PTPRD: variants seen among roughly 807,000 people sequenced by gnomAD.
PTPRD encodes the protein protein tyrosine phosphatase receptor type D.
PTPRD carries 34 observed loss-of-function variants against 214.5 expected under a neutral mutation model. The ratio of observed to expected loss-of-function variants is 0.16; its 90% CI spans 0.12 to 0.21. The LOEUF (loss-of-function observed/expected upper bound fraction) is 0.21. PTPRD is among the 10% of genes least tolerant of loss of function. The pLI is 1.00. For missense variants in PTPRD, 2,545 were observed against 2,398.7 expected (o/e 1.06, Z -1.27); for synonymous variants, 1,128 against 845.7 (o/e 1.33, Z -5.79).
At chr9:9,496,129 A>G (rs565405630) in intron 8 of PTPRD, among the ~76,000 whole-genome samples, 2 of 152,170 alleles carry the variant, frequency 1.3e-5, no homozygotes, top group Admixed American at 6.6e-5. Context: ...TCCTGTCTCA[A>G]TGTGTCACAA....
At chr9:9,442,098 CG>C (rs1414278247) in intron 8 of PTPRD, 14 of 152,438 alleles carry the variant, frequency 9.2e-5, no homozygotes, top group Admixed American at 8.5e-4. Flanking sequence ...CCCAGCTACT[CG>C]GGAGGCTGAG....
intron 3 of PTPRD, among the ~76,000 whole-genome samples, chr9:10,141,360 T>G (rs1024418354): frequency 9.2e-5 from 14 of 152,122 alleles, no homozygotes; most frequent in African/African-American, 3.1e-4. Context: ...CCCCATTGTC[T>G]CAGCCCAAAA....
intron 3 of PTPRD, among the ~76,000 whole-genome samples, chr9:10,157,509 C>T (rs532053150): frequency 6.6e-6 from 1 of 152,152 alleles, no homozygotes; most frequent in African/African-American, 2.4e-5. Flanking sequence ...TGGTGTTAGT[C>T]TCACGGGCTT....
chr9:9,640,776 G>C (rs1390750207), intron 7 of PTPRD, among the ~76,000 whole-genome samples: 1 of 152,202 alleles, frequency 6.6e-6, no homozygotes, highest in East Asian at 1.9e-4. Flanking sequence ...AAAAAGAAGG[G>C]AGAAGAGAAT....
chr9:9,462,416 C>T (rs2093742689), intron 8 of PTPRD, among the ~76,000 whole-genome samples: 1 of 151,984 alleles, frequency 6.6e-6, no homozygotes, highest in South Asian at 2.1e-4. Context: ...TGCAGAAAGG[C>T]AATAAATGAT....
At chr9:10,536,838 C>A (rs182195892) in intron 2 of PTPRD, among the ~76,000 whole-genome samples, 5 of 152,098 alleles carry the variant, frequency 3.3e-5, no homozygotes, top group Non-Finnish European at 5.9e-5. Context: ...TTGGATCATG[C>A]CCTATTTCAT....
intron 11 of PTPRD, among the ~76,000 whole-genome samples, chr9:8,962,630 T>G (rs2099165114): frequency 6.6e-6 from 1 of 152,060 alleles, no homozygotes; most frequent in African/African-American, 2.4e-5. Context: ...TATCACTTAA[T>G]TACAAATTTG....
chr9:8,627,427 C>G (rs1404298053), intron 14 of PTPRD, among the ~76,000 whole-genome samples: 1 of 151,832 alleles, frequency 6.6e-6, no homozygotes, highest in African/African-American at 2.4e-5. Context: ...AAATTCCCTT[C>G]TAGCTCAACA....
intron 10 of PTPRD, among the ~76,000 whole-genome samples, chr9:9,121,767 C>A (rs2099817851): frequency 1.3e-5 from 2 of 151,998 alleles, no homozygotes; most frequent in South Asian, 4.1e-4. Flanking sequence ...CAAATCTCCA[C>A]TAAATAACTT....
chr9:9,846,937 T>C (rs1291164695), intron 5 of PTPRD, among the ~76,000 whole-genome samples: 11 of 152,136 alleles, frequency 7.2e-5, no homozygotes, highest in South Asian at 6.2e-4. Context: ...GTGACTGTAC[T>C]GTGATGTGTA....
chr9:9,642,752 C>A (rs931178104), intron 7 of PTPRD, among the ~76,000 whole-genome samples: 3 of 152,206 alleles, frequency 2.0e-5, no homozygotes, highest in African/African-American at 7.2e-5. Context: ...ACTCAAGGAA[C>A]TATAAATATA....
rs540968090 is a variant in PTPRD, at chr9:8,407,758, T to A, written c.4087-3098A>T. Among the ~76,000 whole-genome samples, 17 of 152,294 alleles carry A rather than the reference T, an allele frequency of 1.1e-4. No homozygotes were observed. In the South Asian group the frequency reaches 3.5e-3, roughly 32 times the overall value. ...TACGTTTATACTCGTTTTACACGGATCAAACAAACATTGATTAAATAATGC... is the reference window on the plus strand; with the variant it reads ...TACGTTTATACTCGTTTTACACGGAACAAACAAACATTGATTAAATAATGC... On this transcript the variant is annotated intron_variant, in intron 35 of 45. Transcript: ENST00000381196.
chr9:10,564,198 G>C (rs1161164872), intron 2 of PTPRD, among the ~76,000 whole-genome samples: 7 of 2,384 alleles, frequency 2.9e-3, no homozygotes, highest in African/African-American at 6.6e-3. Flanking sequence ...TTTTTTTTGA[G>C]ACATAGGGGT....
At chr9:10,128,261 G>A (rs2098834316) in intron 3 of PTPRD, among the ~76,000 whole-genome samples, 1 of 152,094 alleles carries the variant, frequency 6.6e-6, no homozygotes, top group Non-Finnish European at 1.5e-5. Context: ...CTTAGAATGT[G>A]ACATAATTTG....
chr9:9,676,041 C>A (rs1030678664), intron 7 of PTPRD, among the ~76,000 whole-genome samples: 7 of 151,980 alleles, frequency 4.6e-5, no homozygotes, highest in Non-Finnish European at 8.8e-5. Flanking sequence ...ATCACATGAA[C>A]AGATTAAGTA....
chr9:8,699,932 T>C (rs1047071697), intron 12 of PTPRD, among the ~76,000 whole-genome samples: 3 of 152,276 alleles, frequency 2.0e-5, no homozygotes, highest in Non-Finnish European at 4.4e-5. Context: ...GATTTAACCA[T>C]TTTTTTCTCT....
intron 8 of PTPRD, among the ~76,000 whole-genome samples, chr9:9,488,706 C>T (rs926569292): frequency 2.6e-5 from 4 of 152,146 alleles, no homozygotes; most frequent in Admixed American, 2.0e-4. Context: ...TGGAACTCTG[C>T]TGTCTATTTA....
intron 14 of PTPRD, among the ~76,000 whole-genome samples, chr9:8,593,620 T>C (rs1207786906): frequency 2.0e-5 from 3 of 152,336 alleles, no homozygotes; most frequent in East Asian, 1.9e-4. Flanking sequence ...ATAGCAGAAA[T>C]GTCTCACAAT....
intron 3 of PTPRD, among the ~76,000 whole-genome samples, chr9:10,224,083 A>G (rs1217353978): frequency 2.0e-5 from 3 of 151,992 alleles, no homozygotes; most frequent in Non-Finnish European, 2.9e-5. Flanking sequence ...TATTAAGTCT[A>G]TGAAGATAAT....
Sources: gnomAD v4.1 joint callset for allele counts (sites outside exome capture counted in the v4.1 genomes callset) on GRCh38, gnomAD v4.1.1 for gene constraint, MANE v1.5 for transcripts, NCBI Gene and HGNC (gene_info 2026-07-23, HGNC 2026-07-21) for gene names.